Variants in GALP observed in about 807,000 individuals in gnomAD.
GALP encodes galanin like peptide.
GALP carries 12 observed loss-of-function variants against 15.2 expected under a neutral mutation model. The observed-to-expected ratio is 0.79, with a 90% CI of 0.51 to 1.28. The LOEUF (loss-of-function observed/expected upper bound fraction) is 1.28. GALP is among the 50% of genes most tolerant of loss of function. GALP has a pLI of 0.00. For missense variants in GALP, 161 were observed against 145.6 expected, an observed-to-expected ratio of 1.11 and a Z score of -0.55; for synonymous variants, 58 against 55.1, an observed-to-expected ratio of 1.05 and a Z score of -0.23.
chr19:56,184,054 C>T (rs1167179555), intron 5 of GALP, among the ~76,000 whole-genome samples: 2 of 151,778 alleles, frequency 1.3e-5, no homozygotes, highest in Non-Finnish European at 2.9e-5. Flanking sequence ...CTCCTGCATT[C>T]AAGCGATTCT....
chr19:56,178,302 A>C (rs1328236295), intron 2 of GALP, among the ~76,000 whole-genome samples: 1 of 144,870 alleles, frequency 6.9e-6, no homozygotes, highest in Non-Finnish European at 1.5e-5. Context: ...TCCATCTCTT[A>C]AAAAAAAAAA....
intron 2 of GALP, among the ~76,000 whole-genome samples, chr19:56,178,636 A>C (rs903827505): frequency 4.6e-5 from 7 of 150,566 alleles, no homozygotes; most frequent in African/African-American, 1.7e-4. Context: ...TGTTTCTTTG[A>C]GCCTCCTTTT....
At chr19:56,181,828 A>G (rs2032572190) in intron 3 of GALP, among the ~76,000 whole-genome samples, 1 of 152,128 alleles carries the variant, frequency 6.6e-6, no homozygotes, top group South Asian at 2.1e-4. Context: ...AAATACCGAG[A>G]TTCCCGTGGT....
chr19:56,183,842 C>G (rs1164388056), intron 5 of GALP, among the ~76,000 whole-genome samples: 1 of 151,836 alleles, frequency 6.6e-6, no homozygotes, highest in Non-Finnish European at 1.5e-5. Flanking sequence ...AGGTAATCCA[C>G]CTGCCTCGGC....
At chr19:56,182,943 C>G (rs1035186942) in intron 4 of GALP, among the ~76,000 whole-genome samples, 192 bp from the exon 5 acceptor site, 23 of 152,080 alleles carry the variant, frequency 1.5e-4, no homozygotes, top group African/African-American at 5.6e-4. Flanking sequence ...GTTGTACAGA[C>G]TACTTCATCA....
chr19:56,182,048 C>A, intron 3 of GALP, 124 bp from the exon 4 acceptor site: 1 of 719,380 alleles, frequency 1.4e-6, no homozygotes, highest in Non-Finnish European at 2.5e-6. Flanking sequence ...CAACACGCAC[C>A]CCGTCCGACA....
chr19:56,178,995 C>G (rs1034025320), intron 2 of GALP, among the ~76,000 whole-genome samples: 1 of 152,036 alleles, frequency 6.6e-6, no homozygotes, highest in East Asian at 1.9e-4. Flanking sequence ...GCCAACATGG[C>G]GAAACCCCCT....
Position 56,182,212 on chromosome 19 carries a change from G to A in GALP, c.177G>A (p.Arg59=). 6.2e-7 allele frequency: 1 copy of A among 1,613,966 alleles called. No individual in the cohort carries two copies. Among genetic ancestry groups the A allele is most frequent in the Non-Finnish European group, 8.5e-7 (1 of 1,179,874 alleles). The change falls in exon 4 of 6, where the codon AGG becomes AGA. Residue 59 remains arginine, a synonymous_variant. Transcript: ENST00000357330. ...AAATGGGTGACCAAGACGGAAAGAG[G>A]GAGACAGCCCTTGAGATCCTAGACC... ...LPQMGDQDGK[R]ETALEILDLW... is the part of the protein sequence containing the mutation.
chr19:56,177,791 C>T (rs2032491248), intron 2 of GALP, among the ~76,000 whole-genome samples: 1 of 152,178 alleles, frequency 6.6e-6, no homozygotes, highest in South Asian at 2.1e-4. Context: ...TCTCTGGTCT[C>T]TGAGTGGATC....
Position 56,177,177 on chromosome 19 carries a change from A to G in GALP, c.69A>G (p.Ala23=), listed in dbSNP as rs1682195265. 6.2e-7 allele frequency: 1 copy of G among 1,613,578 alleles called. No individual in the cohort carries two copies. The highest frequency in any genetic ancestry group is 8.5e-7 in the Non-Finnish European group (1 of 1,179,852). The stretch of plus-strand genomic sequence containing the variant: ...TGCTGAGCCTGGCAGAGACTCCAGC[A>G]TCCGCACCTGCCCACCGGGTAACGC... ...VLLLSLAETP[A]SAPAHRGRGG... The change falls in exon 2 of 6, where the codon GCA becomes GCG. Residue 23 remains alanine (A), a synonymous_variant. Transcript: ENST00000357330.
In GALP at chr19:56,182,010, G is replaced by A. The variant is rs189986781; in HGVS notation, c.137-162G>A. ...AGCAAGTGACCGCTTGCAGCTGCAC[G>A]ATTTCCCCACCGGTAGGTAGGGACG... On this transcript the variant is annotated intron_variant, in intron 3 of 5. Coordinates refer to ENST00000357330, the MANE Select transcript of GALP (RefSeq NM_033106.4). Among the ~76,000 whole-genome samples, 7 of 152,252 alleles carry A rather than the reference G, an allele frequency of 4.6e-5. No individual in the cohort carries two copies. The East Asian group carries it at 1.2e-3, about 25-fold the overall frequency.
In GALP at chr19:56,185,254, A is replaced by G. The variant is rs1164014796; in HGVS notation, c.335A>G (p.Asp112Gly). The G allele has an allele frequency of 2.5e-6, 4 of 1,606,402 alleles. No homozygotes were observed. Among genetic ancestry groups the G allele is most frequent in the Middle Eastern group, 1.7e-4 (1 of 6,050 alleles). ...AGCATGAAAATTCCCAAGGAGGAAG[A>G]TGTCCTGAAGTCATAGATGTCTTCA... ...MLSMKIPKEE[D>G]VLKS The change falls in exon 6 of 6, where the codon GAT becomes GGT. Residue 112 changes from aspartate (D) to glycine (G), a missense_variant. Coordinates refer to ENST00000357330, the MANE Select transcript of GALP (RefSeq NM_033106.4).
chr19:56,176,218 A>G, intron 1 of GALP, among the ~76,000 whole-genome samples, 156 bp downstream of exon 1: 1 of 142,916 alleles, frequency 7.0e-6, no homozygotes, highest in Non-Finnish European at 1.5e-5. Flanking sequence ...GCGGGGTGAG[A>G]GCCTAGGCCA....
chr19:56,181,954 C>T (rs2032573835), intron 3 of GALP, among the ~76,000 whole-genome samples: 1 of 152,168 alleles, frequency 6.6e-6, no homozygotes, highest in African/African-American at 2.4e-5. Context: ...GTTCAAGCCC[C>T]AGTCCTGCCA....
In GALP at chr19:56,177,070, C is replaced by A. The variant is rs761606205; in HGVS notation, c.-39C>A. The stretch of plus-strand genomic sequence containing the variant: ...ATGACTGGCCGCTCTCTCCTTGCAG[C>A]GTGTTCCGCAGCTGTAGGCACCTGT... On this transcript the variant is annotated splice_region_variant and 5_prime_UTR_variant, in exon 2 of 6. Coordinates refer to ENST00000357330, the MANE Select transcript of GALP (RefSeq NM_033106.4). 2.7e-6 allele frequency: 4 copies of A among 1,500,012 alleles called. No homozygotes were observed. The highest frequency in any genetic ancestry group is 2.3e-5 in the South Asian group (2 of 86,918). 92.9% of individuals were successfully genotyped at this position (1,500,012 alleles called of 1,614,324 possible). A position where few individuals can be genotyped will look rare whatever the true frequency, so the allele number is the denominator to read the frequency against.
rs759100629 is a variant in GALP, at chr19:56,177,150, C to A, written c.42C>A (p.Leu14=). 12 of 1,613,608 alleles carry A rather than the reference C, an allele frequency of 7.4e-6. No homozygotes were observed. The East Asian group carries it at 2.5e-4, about 33-fold the overall frequency. The change falls in exon 2 of 6, where the codon CTC becomes CTA. Residue 14 remains leucine (L), a synonymous_variant. Transcript: ENST00000357330. ...PSVPLVLLLV[L]LLSLAETPAS... ...TCCCCCTGGTCCTCCTCCTCGTCCT[C>A]TTGCTGAGCCTGGCAGAGACTCCAG...
chr19:56,179,594 G>A (rs1462675632), intron 2 of GALP, among the ~76,000 whole-genome samples: 2 of 151,110 alleles, frequency 1.3e-5, no homozygotes, highest in African/African-American at 2.4e-5. Flanking sequence ...TTCTAATGAA[G>A]CTAATAGCAA....
chr19:56,181,268 G>A (rs2032562383), intron 3 of GALP, among the ~76,000 whole-genome samples: 1 of 151,834 alleles, frequency 6.6e-6, no homozygotes. Context: ...CCTCATCTGT[G>A]ACAGTGGGTG....
intron 2 of GALP, among the ~76,000 whole-genome samples, chr19:56,177,932 G>A (rs560756626): frequency 2.8e-4 from 42 of 152,178 alleles, no homozygotes; most frequent in Non-Finnish European, 5.1e-4. Context: ...AGTTAGACAG[G>A]GGAAATAAAC....
Sources: gnomAD v4.1 joint callset for allele counts (sites outside exome capture counted in the v4.1 genomes callset) on GRCh38, gnomAD v4.1.1 for gene constraint, MANE v1.5 for transcripts, NCBI Gene and HGNC (gene_info 2026-07-23, HGNC 2026-07-21) for gene names.